DIS3L2: variants seen among roughly 807,000 people sequenced by gnomAD.
DIS3L2 encodes DIS3 like 3'-5' exoribonuclease 2, also known as DIS3-like exonuclease 2.
Under a neutral mutation model 97.5 loss-of-function variants are expected in DIS3L2, and 34 were observed. That is an observed-to-expected ratio of 0.35 (90% CI 0.27 to 0.46). DIS3L2 has a LOEUF of 0.46. DIS3L2 is among the 20% of genes least tolerant of loss of function. DIS3L2 has a pLI of 1.00. For missense variants in DIS3L2, 1,038 were observed against 1,146.0 expected, an observed-to-expected ratio of 0.91 and a Z score of 1.36; for synonymous variants, 435 against 445.2, an observed-to-expected ratio of 0.98 and a Z score of 0.29.
At chr2:232,036,354 G>GT (rs1220034313) in intron 5 of DIS3L2, among the ~76,000 whole-genome samples, 1 of 152,132 alleles carries the variant, frequency 6.6e-6, no homozygotes, top group East Asian at 1.9e-4. Context: ...CTCATGCTGT[G>GT]TTTTTTAGCT....
intron 9 of DIS3L2, among the ~76,000 whole-genome samples, chr2:232,179,962 C>T (rs1213573988): frequency 7.7e-6 from 1 of 130,236 alleles, no homozygotes; most frequent in Non-Finnish European, 1.5e-5. Context: ...CTATAAATTT[C>T]CCTGTACACA....
At chr2:232,162,467 T>G (rs1263319933) in intron 8 of DIS3L2, among the ~76,000 whole-genome samples, 5 of 152,244 alleles carry the variant, frequency 3.3e-5, no homozygotes, top group African/African-American at 4.8e-5. Context: ...CTATTCCTCT[T>G]TACCACTGTG....
At chr2:232,224,077 G>C (rs1370026231) in intron 10 of DIS3L2, among the ~76,000 whole-genome samples, 1 of 152,200 alleles carries the variant, frequency 6.6e-6, no homozygotes, top group Non-Finnish European at 1.5e-5. Context: ...GGGCGACAGA[G>C]TGAGACCAAA....
intron 9 of DIS3L2, among the ~76,000 whole-genome samples, chr2:232,189,692 A>G (rs561676619): frequency 6.6e-6 from 1 of 152,324 alleles, no homozygotes; most frequent in South Asian, 2.1e-4. Flanking sequence ...ATAAAATTGT[A>G]TAGAACTTAT....
intron 5 of DIS3L2, among the ~76,000 whole-genome samples, chr2:232,076,449 G>A (rs1696190322): frequency 1.3e-5 from 2 of 152,098 alleles, no homozygotes. Flanking sequence ...GGTATTATCA[G>A]AATTTTTGGG....
At chr2:232,074,095 C>G (rs1696114722) in intron 5 of DIS3L2, among the ~76,000 whole-genome samples, 1 of 152,156 alleles carries the variant, frequency 6.6e-6, no homozygotes, top group Non-Finnish European at 1.5e-5. Flanking sequence ...ATATTGAAAA[C>G]TGGAGTTATA....
In DIS3L2 at chr2:232,000,663, T is replaced by TTTCCTTTCCTTTCCTTTCCTTTCCTTTCC. The variant is rs1559529200; in HGVS notation, c.-93-14172_-93-14171insTTCCTTTCCTTTCCTTTCCTTTCCTTTCC. Among the ~76,000 whole-genome samples the TTTCCTTTCCTTTCCTTTCCTTTCCTTTCC allele has an allele frequency of 6.9e-4, 16 of 23,168 alleles. 1 individual carries two copies. The highest frequency in any genetic ancestry group is 3.4e-3 in the African/African-American group (14 of 4,132). The allele number at this position is 23,168 out of a possible 152,430, so 15.2% of individuals were successfully genotyped here. A position where few individuals can be genotyped will look rare whatever the true frequency, so the allele number is the denominator to read the frequency against. ...CTTTCCTTTCCTTTCCTTTCCTTTC[T>TTTCCTTTCCTTTCCTTTCCTTTCCTTTCC]CTTTCTCTCTTTCTCTCTTTCTGTC... On this transcript the variant is annotated intron_variant, in intron 1 of 20. Coordinates refer to ENST00000325385, the MANE Select transcript of DIS3L2 (RefSeq NM_152383.5).
intron 9 of DIS3L2, among the ~76,000 whole-genome samples, chr2:232,197,171 T>G (rs1383643687): frequency 6.6e-6 from 1 of 152,174 alleles, no homozygotes; most frequent in Non-Finnish European, 1.5e-5. Flanking sequence ...CATAGTAAAT[T>G]CCTTGACTTT....
At chr2:232,069,220 A>G (rs932997877) in intron 5 of DIS3L2, among the ~76,000 whole-genome samples, 20 of 152,222 alleles carry the variant, frequency 1.3e-4, no homozygotes, top group African/African-American at 4.6e-4. Flanking sequence ...AAATCTTTAA[A>G]TATAGATGAT....
At position 232,087,729 on chromosome 2, in the gene DIS3L2, C is replaced by T. The variant is rs1400081385; in HGVS notation, c.601+8C>T. ...TTTGTGTTTCTGAGAAAGGTGAGTACTAGACTATTGTCTTACTTTTTTTTT... is the reference window on the plus strand; with the variant it reads ...TTTGTGTTTCTGAGAAAGGTGAGTATTAGACTATTGTCTTACTTTTTTTTT... On this transcript the variant is annotated splice_region_variant and intron_variant, in intron 6 of 20. Transcript: ENST00000325385. 1 of 1,605,682 alleles carries T rather than the reference C, an allele frequency of 6.2e-7. No homozygotes were observed. The highest frequency in any genetic ancestry group is 1.1e-5 in the South Asian group (1 of 90,552).
At chr2:231,979,766 T>C (rs2106176410) in intron 1 of DIS3L2, among the ~76,000 whole-genome samples, 1 of 152,140 alleles carries the variant, frequency 6.6e-6, no homozygotes, top group Admixed American at 6.5e-5. Context: ...TTAGAAGAGA[T>C]GGAGTTTCAC....
At chr2:232,073,437 T>A (rs1044400385) in intron 5 of DIS3L2, among the ~76,000 whole-genome samples, 3 of 152,194 alleles carry the variant, frequency 2.0e-5, no homozygotes, top group Non-Finnish European at 4.4e-5. Context: ...ATGTGAATCT[T>A]TTGGAAAAAC....
chr2:232,343,500 A>G (rs1214332043), exon 14 of DIS3L2: 1 of 1,557,352 alleles, frequency 6.4e-7, no homozygotes, highest in South Asian at 1.2e-5. Flanking sequence ...TCCTTCAGCA[A>G]CAGAGCCGTG....
intron 9 of DIS3L2, among the ~76,000 whole-genome samples, chr2:232,174,676 A>G (rs1455436377): frequency 4.0e-5 from 6 of 151,788 alleles, no homozygotes; most frequent in Non-Finnish European, 8.8e-5. Context: ...TCATCTGCAA[A>G]TAGGGAAGTT....
chr2:232,241,003 T>C (rs931197119), intron 11 of DIS3L2, among the ~76,000 whole-genome samples: 1 of 152,214 alleles, frequency 6.6e-6, no homozygotes, highest in Admixed American at 6.5e-5. Context: ...TGCTGCTGAG[T>C]TGTGAAAGTG....
chr2:232,091,430 A>G (rs1445964820), intron 6 of DIS3L2, among the ~76,000 whole-genome samples: 1 of 152,162 alleles, frequency 6.6e-6, no homozygotes, highest in Non-Finnish European at 1.5e-5. Flanking sequence ...GTGCCTGACT[A>G]CTTCACTTAA....
chr2:232,224,945 A>G (rs979851074), intron 10 of DIS3L2, among the ~76,000 whole-genome samples: 1 of 152,210 alleles, frequency 6.6e-6, no homozygotes, highest in Non-Finnish European at 1.5e-5. Flanking sequence ...AATATATTAT[A>G]TAAAGACTTG....
chr2:232,004,040 C>A (rs893464230), intron 1 of DIS3L2, among the ~76,000 whole-genome samples: 17 of 151,886 alleles, frequency 1.1e-4, no homozygotes, highest in African/African-American at 3.9e-4. Flanking sequence ...TTTTTGGGAC[C>A]TGTTCTCTTC....
At chr2:231,995,361 T>G (rs1004090156) in intron 1 of DIS3L2, among the ~76,000 whole-genome samples, 3 of 152,220 alleles carry the variant, frequency 2.0e-5, no homozygotes, top group Non-Finnish European at 4.4e-5. Context: ...AGCTGGACCC[T>G]ATTGTGTGAA....
Sources: allele counts gnomAD v4.1 joint callset (sites outside exome capture counted in the v4.1 genomes callset), GRCh38; gene constraint gnomAD v4.1.1; transcripts MANE v1.5; gene names NCBI Gene and HGNC (gene_info 2026-07-23, HGNC 2026-07-21).